ABTB2: variants seen among roughly 807,000 people sequenced by gnomAD.
The protein encoded by ABTB2 is ankyrin repeat and BTB domain containing 2, also known as ankyrin repeat and BTB/POZ domain-containing protein 2.
ABTB2 carries 56 observed loss-of-function variants against 104.1 expected under a neutral mutation model. That is an observed-to-expected ratio of 0.54 (90% confidence interval 0.43 to 0.67). The LOEUF is 0.67. ABTB2 is among the 30% of genes least tolerant of loss of function. ABTB2 has a pLI of 0.00. For missense variants in ABTB2, 1,279 were observed against 1,407.7 expected (o/e 0.91, Z 1.46); for synonymous variants, 606 against 608.2 (o/e 1.00, Z 0.05).
chr11:34,235,980 C>T (rs952442749), intron 1 of ABTB2, among the ~76,000 whole-genome samples: 1 of 152,210 alleles, frequency 6.6e-6, no homozygotes, highest in Non-Finnish European at 1.5e-5. Context: ...GCTGCCCACA[C>T]TCAGAAGCAG....
intron 1 of ABTB2, among the ~76,000 whole-genome samples, chr11:34,343,082 G>C (rs2133124503): frequency 6.6e-6 from 1 of 152,264 alleles, no homozygotes; most frequent in African/African-American, 2.4e-5. Flanking sequence ...CAATCCTGCT[G>C]CCTCAGCCTC....
At chr11:34,284,501 C>T (rs546797531) in intron 1 of ABTB2, among the ~76,000 whole-genome samples, 2 of 152,188 alleles carry the variant, frequency 1.3e-5, no homozygotes, top group African/African-American at 2.4e-5. Context: ...AGAAACAGAA[C>T]TTTAATCACA....
At chr11:34,326,582 A>G (rs1189290341) in intron 1 of ABTB2, among the ~76,000 whole-genome samples, 1 of 151,578 alleles carries the variant, frequency 6.6e-6, no homozygotes, top group East Asian at 1.9e-4. Flanking sequence ...GTGAGCCGAG[A>G]TCATGCTACT....
chr11:34,197,483 C>G lies in ABTB2; in HGVS notation c.1086G>C (p.Pro362=), dbSNP rs748835331. 6.3e-7 allele frequency: 1 copy of G among 1,580,714 alleles called. No individual in the cohort carries two copies. Among genetic ancestry groups the G allele is most frequent in the East Asian group, 2.2e-5 (1 of 44,500 alleles). Residue 362 remains proline (P), a synonymous_variant, in exon 3 of 17, where the codon CCG becomes CCC. Transcript: ENST00000435224. ...GGGCCTGGCGGGCAGGGCTGGCACC[C>G]GGGCACAGGGGGTGACGCCCCTGCA... ...HHMQGRHPLC[P]GASPARQARQ...
At chr11:34,355,792 AC>A (rs1237869431) in intron 1 of ABTB2, among the ~76,000 whole-genome samples, 2 of 151,902 alleles carry the variant, frequency 1.3e-5, no homozygotes, top group African/African-American at 2.4e-5. Context: ...GCAATGTCAC[AC>A]CCCCTAACAT....
At chr11:34,265,861 C>T (rs960617107) in intron 1 of ABTB2, among the ~76,000 whole-genome samples, 3 of 151,060 alleles carry the variant, frequency 2.0e-5, no homozygotes, top group Admixed American at 6.6e-5. Context: ...CCCAGCTACT[C>T]GGGAGGCTGA....
intron 3 of ABTB2, among the ~76,000 whole-genome samples, chr11:34,190,262 GC>G (rs1333683911): frequency 2.3e-5 from 2 of 86,778 alleles, no homozygotes; most frequent in Non-Finnish European, 4.2e-5. Flanking sequence ...CCCCTGCCCC[GC>G]TGCCCCCCCA....
intron 1 of ABTB2, among the ~76,000 whole-genome samples, chr11:34,208,832 A>G (rs1013499487): frequency 6.6e-6 from 1 of 151,600 alleles, no homozygotes; most frequent in African/African-American, 2.4e-5. Context: ...TACCACCAAC[A>G]TATCTCAAAA....
chr11:34,233,541 A>T (rs1478892758), intron 1 of ABTB2, among the ~76,000 whole-genome samples: 2 of 152,146 alleles, frequency 1.3e-5, no homozygotes, highest in Non-Finnish European at 2.9e-5. Flanking sequence ...TTTTGTAGAG[A>T]CAAGGTCTCA....
chr11:34,173,367 G>C, intron 3 of ABTB2, 60 bp from the exon 4 acceptor site: 2 of 1,508,104 alleles, frequency 1.3e-6, no homozygotes, highest in Non-Finnish European at 1.8e-6. Flanking sequence ...GCAGCAGAGA[G>C]AGGGTCAGGC....
At chr11:34,335,683 G>A in intron 1 of ABTB2, 2 of 1,403,164 alleles carry the variant, frequency 1.4e-6, no homozygotes, top group Non-Finnish European at 2.0e-6. Context: ...TCTTTCACTT[G>A]ATAAAGTTTC....
intron 1 of ABTB2, among the ~76,000 whole-genome samples, chr11:34,292,105 C>G (rs1238470272): frequency 6.6e-6 from 1 of 152,010 alleles, no homozygotes; most frequent in Non-Finnish European, 1.5e-5. Flanking sequence ...CTAAATAGAC[C>G]TTAAGTCAAG....
intron 1 of ABTB2, among the ~76,000 whole-genome samples, chr11:34,226,791 T>C (rs1853693471): frequency 6.6e-6 from 1 of 152,152 alleles, no homozygotes; most frequent in Non-Finnish European, 1.5e-5. Context: ...ATGGTATGGG[T>C]ATGGTAGCTC....
intron 3 of ABTB2, among the ~76,000 whole-genome samples, chr11:34,181,258 AAAC>A (rs145617739): frequency 0.36 from 54,090 of 149,348 alleles, 10,487 homozygotes; most frequent in Non-Finnish European, 0.45. Flanking sequence ...ACAAACAAAC[AAAC>A]AAAAAAAACA....
At chr11:34,165,189 C>CAGGGACG in intron 8 of ABTB2, 71 bp downstream of exon 8, 1 of 1,396,500 alleles carries the variant, frequency 7.2e-7, no homozygotes, top group Non-Finnish European at 9.7e-7. Context: ...GCACGTCCAG[C>CAGGGACG]TACATGCCTG....
Position 34,302,241 on chromosome 11 carries a change from C to T in ABTB2, c.883+54460G>A, listed in dbSNP as rs376774541. ...TCATGAGTATTTTCCTATGCTATTACATTTCCTTCAAAGATGTAATGTTTA... is the reference window on the plus strand; with the variant it reads ...TCATGAGTATTTTCCTATGCTATTATATTTCCTTCAAAGATGTAATGTTTA... On this transcript the variant is annotated intron_variant, in intron 1 of 16. Transcript: ENST00000435224. 7.9e-5 allele frequency among the ~76,000 whole-genome samples: 12 copies of T among 152,348 alleles called. No homozygotes were observed. The East Asian group carries it at 1.4e-3, about 17-fold the overall frequency.
chr11:34,242,116 CACA>C (rs1853925381), intron 1 of ABTB2, among the ~76,000 whole-genome samples: 1 of 152,330 alleles, frequency 6.6e-6, no homozygotes, highest in African/African-American at 2.4e-5. Flanking sequence ...TTCTGGGGCC[CACA>C]ACAACTGCAC....
chr11:34,357,766 C>T lies in ABTB2; in HGVS notation c.-183G>A. 1.6e-6 allele frequency: 1 copy of T among 634,600 alleles called. No individual in the cohort carries two copies. The highest frequency in any genetic ancestry group is 2.5e-6 in the Non-Finnish European group (1 of 397,808). 39.3% of individuals were successfully genotyped at this position (634,600 alleles called of 1,614,324 possible). On this transcript the variant is annotated 5_prime_UTR_variant, in exon 1 of 17. Coordinates refer to ENST00000435224, the MANE Select transcript of ABTB2 (RefSeq NM_145804.3). ...CGGGAAGGTGGCCGAGATCCGTGGC[C>T]AGCAGGAGCCCCACGCTCCCGGCGT...
intron 1 of ABTB2, among the ~76,000 whole-genome samples, chr11:34,276,463 C>T (rs1854383029): frequency 6.6e-6 from 1 of 152,146 alleles, no homozygotes. Context: ...TCCTACTTGG[C>T]TGTATATACC....
Sources: allele counts gnomAD v4.1 joint callset (sites outside exome capture counted in the v4.1 genomes callset), GRCh38; gene constraint gnomAD v4.1.1; transcripts MANE v1.5; gene names NCBI Gene and HGNC (gene_info 2026-07-23, HGNC 2026-07-21).